The following KYNU variants were observed in gnomAD, a reference collection of about 807,000 sequenced individuals.
KYNU encodes the protein L-kynurenine hydrolase.
Under a neutral mutation model 59.2 loss-of-function variants are expected in KYNU, and 54 were observed. The observed-to-expected ratio is 0.91, with a 90% CI of 0.73 to 1.14. KYNU has a LOEUF of 1.14. KYNU is among the 50% of genes most tolerant of loss of function. The pLI, the probability that KYNU is intolerant of heterozygous loss-of-function variation, is 0.00. For synonymous variants in KYNU, 177 were observed against 192.0 expected (o/e 0.92, Z 0.65); for missense variants, 567 against 554.4 (o/e 1.02, Z -0.23).
At position 143,047,410 on chromosome 2, in the gene KYNU, G is replaced by A. The variant is rs1018879640; in HGVS notation, c.*5238G>A. Reference sequence around the variant, plus strand: ...CTTTTATAAAATTTAACATTTAACTGATAATTGATACTGTATATACATGAA... The same window carrying A: ...CTTTTATAAAATTTAACATTTAACTAATAATTGATACTGTATATACATGAA... On this transcript the variant is annotated 3_prime_UTR_variant, in exon 14 of 14. Coordinates refer to ENST00000264170, the MANE Select transcript of KYNU (RefSeq NM_003937.3). 6.6e-6 allele frequency: 1 copy of A among 152,080 alleles called. No homozygotes were observed. Among genetic ancestry groups the A allele is most frequent in the African/African-American group, 2.4e-5 (1 of 41,408 alleles). The allele number at this position is 152,080 out of a possible 1,614,324, so 9.4% of individuals were successfully genotyped here.
At chr2:143,027,198 T>G (rs1421903653) in intron 10 of KYNU, among the ~76,000 whole-genome samples, 1 of 152,182 alleles carries the variant, frequency 6.6e-6, no homozygotes, top group African/African-American at 2.4e-5. Flanking sequence ...CCAAATAGTG[T>G]AATCCAATTT....
intron 2 of KYNU, among the ~76,000 whole-genome samples, chr2:142,894,392 T>C (rs1177180203): frequency 6.6e-6 from 1 of 152,172 alleles, no homozygotes; most frequent in Non-Finnish European, 1.5e-5. Context: ...ATGAGGTACA[T>C]AGCAACACAA....
intron 13 of KYNU, 22 bp downstream of exon 13, chr2:143,040,680 A>G (rs765847908): frequency 2.6e-6 from 4 of 1,526,592 alleles, no homozygotes; most frequent in African/African-American, 1.4e-5. Context: ...TTGCTTTGCT[A>G]CCAGATTTTG....
chr2:142,907,932 T>C (rs1682354548), intron 2 of KYNU, among the ~76,000 whole-genome samples: 1 of 152,162 alleles, frequency 6.6e-6, no homozygotes, highest in Admixed American at 6.5e-5. Flanking sequence ...AGACAAGCCA[T>C]TTAAAAAAAA....
At chr2:142,891,125 T>C (rs1421549236) in intron 2 of KYNU, among the ~76,000 whole-genome samples, 2 of 152,240 alleles carry the variant, frequency 1.3e-5, no homozygotes, top group African/African-American at 4.8e-5. Flanking sequence ...GACTCAATCC[T>C]GCTTTTACTT....
rs559148886 is a variant in KYNU, at chr2:143,015,869, C to T, written c.903-13758C>T. Reference sequence around the variant, plus strand: ...GGCTTAGACAGAACGTCAGTTTCAACAGTGAAATTCATTGATAGGTTCTTT... The same window carrying T: ...GGCTTAGACAGAACGTCAGTTTCAATAGTGAAATTCATTGATAGGTTCTTT... On this transcript the variant is annotated intron_variant, in intron 10 of 13. Transcript: ENST00000264170. Among the ~76,000 whole-genome samples, 7 of 152,324 alleles carry T rather than the reference C, an allele frequency of 4.6e-5. No individual in the cohort carries two copies. In the South Asian group the frequency reaches 1.4e-3, roughly 32 times the overall value.
At chr2:142,991,998 T>G (rs1248716673) in intron 10 of KYNU, among the ~76,000 whole-genome samples, 3 of 151,976 alleles carry the variant, frequency 2.0e-5, no homozygotes, top group African/African-American at 7.2e-5. Context: ...TAGCAGCATC[T>G]ATCTCTATGA....
In KYNU at chr2:143,040,514, T is replaced by C; in HGVS notation, c.1128T>C (p.Tyr376=). The change falls in exon 13 of 14, where the codon TAT becomes TAC. Residue 376 remains tyrosine (Y), a synonymous_variant. Coordinates refer to ENST00000264170, the MANE Select transcript of KYNU (RefSeq NM_003937.3). ...GYLEYLIKHN[Y]GKDKAATKKP... is the part of the protein sequence containing the mutation. The stretch of plus-strand genomic sequence containing the variant: ...TGGAATACCTGATCAAGCATAACTA[T>C]GGCAAAGATAAAGCAGCAACCAAGA... 5 of 1,613,320 alleles carry C rather than the reference T, an allele frequency of 3.1e-6. No homozygotes were observed. The highest frequency in any genetic ancestry group is 4.2e-6 in the Non-Finnish European group (5 of 1,179,520).
At chr2:142,883,063 T>A (rs1681355904) in intron 1 of KYNU, among the ~76,000 whole-genome samples, 1 of 152,136 alleles carries the variant, frequency 6.6e-6, no homozygotes, top group African/African-American at 2.4e-5. Context: ...TTAAAACTCA[T>A]TACAGAGCTA....
At chr2:142,914,156 C>T (rs551430902) in intron 2 of KYNU, among the ~76,000 whole-genome samples, 21 of 152,306 alleles carry the variant, frequency 1.4e-4, no homozygotes, top group Non-Finnish European at 2.2e-4. Flanking sequence ...AGGTCAAGGG[C>T]TTCTCCCATG....
chr2:142,988,143 T>C (rs1558961586), intron 10 of KYNU, among the ~76,000 whole-genome samples: 2 of 151,726 alleles, frequency 1.3e-5, no homozygotes, highest in African/African-American at 2.4e-5. Context: ...GGTATGGGGT[T>C]ATATGAAAAA....
chr2:142,925,470 G>C (rs1039512450), intron 3 of KYNU, among the ~76,000 whole-genome samples: 6 of 152,132 alleles, frequency 3.9e-5, no homozygotes, highest in Non-Finnish European at 7.4e-5. Context: ...TTTACATTAG[G>C]AAAGAAGACT....
At chr2:142,927,627 T>A (rs931144115) in intron 3 of KYNU, 32 bp from the exon 4 acceptor site, 14 of 1,508,674 alleles carry the variant, frequency 9.3e-6, no homozygotes, top group Non-Finnish European at 1.3e-5. Context: ...ACATAAAAGC[T>A]AAGATATGTT....
At chr2:142,979,561 A>G (rs1223863580) in intron 8 of KYNU, among the ~76,000 whole-genome samples, 1 of 152,132 alleles carries the variant, frequency 6.6e-6, no homozygotes, top group Non-Finnish European at 1.5e-5. Context: ...GAGAAAGCAC[A>G]TCCCCAGGAA....
intron 10 of KYNU, chr2:142,988,925 C>G (rs10496935): frequency 0.22 from 345,260 of 1,558,488 alleles, 42,147 homozygotes; most frequent in East Asian, 0.48. Flanking sequence ...GTCATCACTT[C>G]ATTGTCCCTG....
chr2:142,980,444 C>A (rs982202285), intron 8 of KYNU, among the ~76,000 whole-genome samples: 1 of 152,128 alleles, frequency 6.6e-6, no homozygotes, highest in African/African-American at 2.4e-5. Context: ...CCCAGCAGGT[C>A]TCAGCCTTAT....
intron 12 of KYNU, among the ~76,000 whole-genome samples, chr2:143,040,083 T>C (rs541309068): frequency 3.9e-4 from 59 of 152,244 alleles, no homozygotes; most frequent in African/African-American, 1.3e-3. Flanking sequence ...GTTTTTAATA[T>C]TTAATGTAAC....
At chr2:143,004,515 A>G (rs1206891279) in intron 10 of KYNU, among the ~76,000 whole-genome samples, 1 of 152,168 alleles carries the variant, frequency 6.6e-6, no homozygotes, top group South Asian at 2.1e-4. Context: ...GGTCGAGACC[A>G]GCCTGGCCAA....
At chr2:142,989,588 A>G (rs1334223486) in intron 10 of KYNU, 2 of 722,818 alleles carry the variant, frequency 2.8e-6, no homozygotes, top group Admixed American at 6.3e-5. Context: ...ATTTTGAAGT[A>G]TATATGTTTG....
Sources: allele counts gnomAD v4.1 joint callset (sites outside exome capture counted in the v4.1 genomes callset), GRCh38; gene constraint gnomAD v4.1.1; transcripts MANE v1.5; gene names NCBI Gene and HGNC (gene_info 2026-07-23, HGNC 2026-07-21).